Variants in ERICH1 observed in about 807,000 individuals in gnomAD.
ERICH1 encodes the protein glutamate rich 1.
ERICH1 carries 56 observed loss-of-function variants against 39.6 expected under a neutral mutation model. That is an observed-to-expected ratio of 1.41 (90% CI 1.14 to 1.77). The LOEUF (loss-of-function observed/expected upper bound fraction) is 1.77. ERICH1 is among the 40% of genes most tolerant of loss of function. The pLI is 0.00. For missense variants in ERICH1, 826 were observed against 575.4 expected (o/e 1.44, Z -4.45); for synonymous variants, 313 against 223.6 (o/e 1.40, Z -3.57).
intron 3 of ERICH1, among the ~76,000 whole-genome samples, chr8:652,245 C>T (rs1585048256): frequency 6.6e-6 from 1 of 152,180 alleles, no homozygotes; most frequent in African/African-American, 2.4e-5. Flanking sequence ...ATGCAGCCAG[C>T]AGGAGGAAAG....
intron 3 of ERICH1, among the ~76,000 whole-genome samples, chr8:684,912 A>G (rs1050616759): frequency 6.6e-6 from 1 of 152,170 alleles, no homozygotes; most frequent in Non-Finnish European, 1.5e-5. Flanking sequence ...CACAAGGCAA[A>G]TGAGCAGGGC....
At chr8:724,871 G>A (rs545217796) in intron 1 of ERICH1, among the ~76,000 whole-genome samples, 3 of 152,294 alleles carry the variant, frequency 2.0e-5, no homozygotes, top group African/African-American at 7.2e-5. Flanking sequence ...GGAAGCAGCT[G>A]TACCTCCTGC....
chr8:724,402 C>T (rs573692523), intron 1 of ERICH1, among the ~76,000 whole-genome samples: 3 of 152,312 alleles, frequency 2.0e-5, no homozygotes, highest in South Asian at 2.1e-4. Flanking sequence ...TGTCGTATCA[C>T]GAAGCGTTCA....
intron 3 of ERICH1, among the ~76,000 whole-genome samples, chr8:654,600 T>C (rs973044702): frequency 5.3e-5 from 8 of 152,150 alleles, no homozygotes; most frequent in South Asian, 4.1e-4. Flanking sequence ...TGGATCCATA[T>C]TGGCAACTAT....
At chr8:723,552 A>G (rs1464547775) in intron 1 of ERICH1, among the ~76,000 whole-genome samples, 1 of 152,218 alleles carries the variant, frequency 6.6e-6, no homozygotes. Flanking sequence ...CACAAAACAC[A>G]CACAAACCAC....
chr8:690,210 C>A (rs977457190), intron 3 of ERICH1, among the ~76,000 whole-genome samples: 1 of 152,240 alleles, frequency 6.6e-6, no homozygotes, highest in Admixed American at 6.5e-5. Flanking sequence ...CCGTCTCCTT[C>A]CACCTGTTCC....
Position 646,916 on chromosome 8 carries a change from T to A in ERICH1, c.976+21682A>T, listed in dbSNP as rs1405890619. ...CTGGTCTTGCTGGCAAACAGGCTCA[T>A]CCCAGAAGTCATGTGGCAAAGCAAT... On this transcript the variant is annotated intron_variant, in intron 3 of 3. Transcript: ENST00000522706. Among the ~76,000 whole-genome samples the A allele has an allele frequency of 2.9e-5, 2 of 69,176 alleles. 1 individual carries two copies. The highest frequency in any genetic ancestry group is 7.3e-5 in the African/African-American group (2 of 27,464). The allele number at this position is 69,176 out of a possible 152,430, so 45.4% of individuals were successfully genotyped here. A position where few individuals can be genotyped will look rare whatever the true frequency, so the allele number is the denominator to read the frequency against.
At chr8:679,406 C>T (rs1232053384) in intron 3 of ERICH1, among the ~76,000 whole-genome samples, 1 of 143,628 alleles carries the variant, frequency 7.0e-6, no homozygotes. Context: ...CCACCCATCA[C>T]AGCACCCAGC....
chr8:618,227 C>G (rs1323669728), intron 3 of ERICH1, among the ~76,000 whole-genome samples: 3 of 151,948 alleles, frequency 2.0e-5, no homozygotes, highest in Admixed American at 6.6e-5. Context: ...ATCTCACTGC[C>G]CTCTGAGTGC....
intron 1 of ERICH1, among the ~76,000 whole-genome samples, chr8:719,913 C>T (rs1454402376): frequency 6.6e-6 from 1 of 152,208 alleles, no homozygotes; most frequent in African/African-American, 2.4e-5. Context: ...CCAGCATGGA[C>T]CTGGTGCCCT....
chr8:636,994 C>A (rs1421856434), intron 3 of ERICH1, among the ~76,000 whole-genome samples: 3 of 152,244 alleles, frequency 2.0e-5, no homozygotes, highest in African/African-American at 7.2e-5. Flanking sequence ...TGGTTCAGGA[C>A]TTTAAGCCAG....
intron 3 of ERICH1, among the ~76,000 whole-genome samples, chr8:627,569 G>T (rs550169830): frequency 6.6e-6 from 1 of 152,248 alleles, no homozygotes; most frequent in Non-Finnish European, 1.5e-5. Context: ...ATGTGGCCAG[G>T]GGGTAAGAAG....
At chr8:619,331 G>A (rs1256741411) in intron 3 of ERICH1, among the ~76,000 whole-genome samples, 1 of 152,086 alleles carries the variant, frequency 6.6e-6, no homozygotes, top group Non-Finnish European at 1.5e-5. Context: ...CTCACACAAG[G>A]GGATTCTGTA....
intron 2 of ERICH1, among the ~76,000 whole-genome samples, chr8:701,276 G>A (rs1030332391): frequency 2.0e-5 from 3 of 152,040 alleles, no homozygotes; most frequent in East Asian, 1.9e-4. Context: ...CCGTACCCAC[G>A]GGTCTGCCCC....
rs1328939127 is a variant in ERICH1, at chr8:647,865, AG to A, written c.976+20732del. Among the ~76,000 whole-genome samples the A allele has an allele frequency of 3.0e-5, 2 of 67,650 alleles. 1 individual carries two copies. The highest frequency in any genetic ancestry group is 7.7e-5 in the African/African-American group (2 of 25,930). The allele number at this position is 67,650 out of a possible 152,430, so 44.4% of individuals were successfully genotyped here. A position where few individuals can be genotyped will look rare whatever the true frequency, so the allele number is the denominator to read the frequency against. On this transcript the variant is annotated intron_variant, in intron 3 of 3. Coordinates refer to the ERICH1 transcript ENST00000522706. The stretch of plus-strand genomic sequence containing the variant: ...GGGCCAGCTGGACTCTGAGTCTTTC[AG>A]TCTTGATCTATTGCTGCCGGACGGT...
At chr8:680,879 A>G (rs1277287127) in intron 3 of ERICH1, among the ~76,000 whole-genome samples, 1 of 152,180 alleles carries the variant, frequency 6.6e-6, no homozygotes, top group Non-Finnish European at 1.5e-5. Flanking sequence ...GGGGTCTGTG[A>G]GCAGATCCAC....
At chr8:644,248 T>C (rs1252007099) in intron 3 of ERICH1, among the ~76,000 whole-genome samples, 5 of 152,252 alleles carry the variant, frequency 3.3e-5, no homozygotes, top group African/African-American at 7.2e-5. Context: ...CCTGGCCTCC[T>C]GCTCTTCGGG....
chr8:650,269 G>A (rs1418329509), intron 3 of ERICH1, among the ~76,000 whole-genome samples: 1 of 152,130 alleles, frequency 6.6e-6, no homozygotes, highest in Non-Finnish European at 1.5e-5. Context: ...TCTGTCCCCG[G>A]GGTCTGACTC....
intron 1 of ERICH1, among the ~76,000 whole-genome samples, chr8:727,915 A>G (rs73670602): frequency 0.18 from 26,863 of 152,166 alleles, 2,692 homozygotes; most frequent in East Asian, 0.45. Flanking sequence ...GCTTAAATCC[A>G]GGGGCGCATC....
Sources: allele counts gnomAD v4.1 joint callset (sites outside exome capture counted in the v4.1 genomes callset), GRCh38; gene constraint gnomAD v4.1.1; transcripts MANE v1.5; gene names NCBI Gene and HGNC (gene_info 2026-07-23, HGNC 2026-07-21).